The following ATP6V0A4 variants were observed in gnomAD, a reference collection of about 807,000 sequenced individuals.
The protein encoded by ATP6V0A4 is V-type proton ATPase 116 kDa subunit a 4.
ATP6V0A4 carries 86 observed loss-of-function variants against 107.3 expected under a neutral mutation model. The ratio of observed to expected loss-of-function variants is 0.80; its 90% confidence interval spans 0.67 to 0.96. The LOEUF is 0.96. ATP6V0A4 is among the 40% of genes least tolerant of loss of function. The pLI is 0.00. For missense variants in ATP6V0A4, 908 were observed against 1,045.6 expected, an observed-to-expected ratio of 0.87 and a Z score of 1.81; for synonymous variants, 353 against 381.4, an observed-to-expected ratio of 0.93 and a Z score of 0.87.
Position 138,794,815 on chromosome 7 carries a change from A to G in ATP6V0A4, c.-121+3219T>C, listed in dbSNP as rs556589201. Among the ~76,000 whole-genome samples, 35 of 152,198 alleles carry G rather than the reference A, an allele frequency of 2.3e-4. No homozygotes were observed. In the South Asian group the frequency reaches 6.2e-3, roughly 27 times the overall value. On this transcript the variant is annotated intron_variant, in intron 1 of 21. Transcript: ENST00000310018. ...GCTACAAACAGCAAATACTGGTGAC[A>G]CTCGTAAAGTAAAAAGTGGCCACAC...
At chr7:138,707,190 T>TATTATATAGA (rs1293535121) in intron 21 of ATP6V0A4, among the ~76,000 whole-genome samples, 1 of 55,358 alleles carries the variant, frequency 1.8e-5, no homozygotes, top group African/African-American at 1.0e-4. Context: ...TAATATATTA[T>TATTATATAGA]ATATATTATA....
At chr7:138,731,686 A>G (rs1805023055) in intron 17 of ATP6V0A4, among the ~76,000 whole-genome samples, 1 of 152,090 alleles carries the variant, frequency 6.6e-6, no homozygotes, top group African/African-American at 2.4e-5. Flanking sequence ...TGTGGTTAGG[A>G]GTTCAAGACC....
chr7:138,724,049 A>G (rs1164508859), intron 18 of ATP6V0A4, among the ~76,000 whole-genome samples: 1 of 148,902 alleles, frequency 6.7e-6, no homozygotes, highest in Non-Finnish European at 1.5e-5. Context: ...AAAAAAATTT[A>G]GCCTGGCTGA....
chr7:138,790,717 G>C (rs1444916770), intron 1 of ATP6V0A4, among the ~76,000 whole-genome samples: 1 of 152,142 alleles, frequency 6.6e-6, no homozygotes, highest in East Asian at 1.9e-4. Context: ...CTCATCTTTG[G>C]TTATTTCCTT....
At chr7:138,784,751 A>G (rs1292055435) in intron 2 of ATP6V0A4, among the ~76,000 whole-genome samples, 2 of 152,132 alleles carry the variant, frequency 1.3e-5, no homozygotes, top group African/African-American at 4.8e-5. Context: ...ATCCAAACAA[A>G]CATTGCTTTT....
At chr7:138,780,814 A>G (rs569167124) in intron 2 of ATP6V0A4, among the ~76,000 whole-genome samples, 1 of 152,140 alleles carries the variant, frequency 6.6e-6, no homozygotes, top group Non-Finnish European at 1.5e-5. Flanking sequence ...CTGAGGTGAG[A>G]GGATCACTTG....
chr7:138,763,727 G>A (rs1806944911), intron 5 of ATP6V0A4, among the ~76,000 whole-genome samples: 2 of 152,004 alleles, frequency 1.3e-5, no homozygotes, highest in African/African-American at 4.8e-5. Context: ...GGCTCATCCT[G>A]TAATCCCAGC....
At position 138,728,787 on chromosome 7, in the gene ATP6V0A4, G is replaced by T; in HGVS notation, c.1984C>A (p.Leu662Ile). 1 of 1,614,140 alleles carries T rather than the reference G, an allele frequency of 6.2e-7. No homozygotes were observed. The highest frequency in any genetic ancestry group is 8.5e-7 in the Non-Finnish European group (1 of 1,180,038). The change falls in exon 18 of 22, where the codon CTT becomes ATT. Residue 662 changes from leucine (L) to isoleucine (I), a missense_variant. Coordinates refer to ENST00000310018, the MANE Select transcript of ATP6V0A4 (RefSeq NM_020632.3). ...PWMLLIKPFI[L>I]RASHRKSQLQ... is the part of the protein sequence containing the mutation. ...TGGGATTTCCGATGACTGGCTCTAA[G>T]AATAAACGGCTTAATCAGAAGCATC...
At chr7:138,756,969 C>T (rs778510064) in intron 8 of ATP6V0A4, among the ~76,000 whole-genome samples, 2 of 152,156 alleles carry the variant, frequency 1.3e-5, no homozygotes, top group African/African-American at 4.8e-5. Context: ...TTATATTTAA[C>T]AAAGGTAAAG....
chr7:138,706,804 A>G, intron 21 of ATP6V0A4, 87 bp from the exon 22 acceptor site: 1 of 1,577,702 alleles, frequency 6.3e-7, no homozygotes, highest in Admixed American at 1.8e-5. Context: ...AGGAGGAAGC[A>G]GAGCGTTCGT....
At position 138,706,677 on chromosome 7, in the gene ATP6V0A4, T is replaced by G. The variant is rs1296316551; in HGVS notation, c.2470A>C (p.Lys824Gln). 2 of 1,613,928 alleles carry G rather than the reference T, an allele frequency of 1.2e-6. No individual in the cohort carries two copies. Among genetic ancestry groups the G allele is most frequent in the African/African-American group, 2.7e-5 (2 of 75,012 alleles). The change falls in exon 22 of 22, where the codon AAG becomes CAG. Residue 824 changes from lysine to glutamine, a missense_variant. Coordinates refer to ENST00000310018, the MANE Select transcript of ATP6V0A4 (RefSeq NM_020632.3). The stretch of plus-strand genomic sequence containing the variant: ...TGTTTAAAGGAGAATGGAGAAAACT[T>G]GTAACCATCCCCGACATAGAACTTG... ...QNKFYVGDGY[K>Q]FSPFSFKHIL... is the part of the protein sequence containing the mutation.
chr7:138,723,055 C>CAAAAAAAA (rs34685977), intron 18 of ATP6V0A4, among the ~76,000 whole-genome samples: 1 of 122,412 alleles, frequency 8.2e-6, no homozygotes, highest in African/African-American at 3.1e-5. Flanking sequence ...GAGACTGTCT[C>CAAAAAAAA]AAAAAAAAAA....
intron 2 of ATP6V0A4, among the ~76,000 whole-genome samples, chr7:138,774,764 T>C (rs1584944172): frequency 1.3e-5 from 2 of 150,504 alleles, no homozygotes; most frequent in East Asian, 3.9e-4. Context: ...TTTTGGAAAA[T>C]AAAAAATATC....
chr7:138,733,588 T>C (rs1317879800), intron 16 of ATP6V0A4, among the ~76,000 whole-genome samples: 1 of 142,646 alleles, frequency 7.0e-6, no homozygotes, highest in East Asian at 2.2e-4. Flanking sequence ...TTTTTTTTTT[T>C]TTTTTTTTGA....
intron 18 of ATP6V0A4, 126 bp from the exon 19 acceptor site, chr7:138,722,151 T>C (rs1804454453): frequency 6.8e-7 from 1 of 1,471,646 alleles, no homozygotes; most frequent in Non-Finnish European, 9.2e-7. Context: ...AACACTACAC[T>C]ATCTCATTAA....
chr7:138,789,063 G>C (rs1027070260), intron 1 of ATP6V0A4, among the ~76,000 whole-genome samples: 1 of 152,124 alleles, frequency 6.6e-6, no homozygotes, highest in African/African-American at 2.4e-5. Context: ...ATTGTAATCC[G>C]ATGTTATATC....
intron 18 of ATP6V0A4, among the ~76,000 whole-genome samples, chr7:138,723,400 A>G (rs1396816924): frequency 6.6e-6 from 1 of 152,172 alleles, no homozygotes; most frequent in African/African-American, 2.4e-5. Context: ...CTAAGTGTGA[A>G]TGGTATATTT....
intron 10 of ATP6V0A4, among the ~76,000 whole-genome samples, chr7:138,754,640 T>C (rs553256071): frequency 2.2e-4 from 33 of 151,978 alleles, no homozygotes; most frequent in African/African-American, 7.7e-4. Flanking sequence ...TATTTTATTT[T>C]GAGATGGAGT....
intron 3 of ATP6V0A4, 43 bp from the exon 4 acceptor site, chr7:138,769,294 C>T: frequency 6.3e-7 from 1 of 1,576,446 alleles, no homozygotes. Context: ...GTAGCAACAG[C>T]TGCCAATAGA....
Sources: allele counts gnomAD v4.1 joint callset (sites outside exome capture counted in the v4.1 genomes callset), GRCh38; gene constraint gnomAD v4.1.1; transcripts MANE v1.5; gene names NCBI Gene and HGNC (gene_info 2026-07-23, HGNC 2026-07-21).